Variants in KLHL25 observed in about 807,000 individuals in gnomAD.
KLHL25 encodes kelch-like protein 25.
In KLHL25, 41 loss-of-function variants were observed where a neutral mutation model predicts 30.0. That is an observed-to-expected ratio of 1.37 (90% confidence interval 1.07 to 1.78). The LOEUF is 1.78. KLHL25 is among the 40% of genes most tolerant of loss of function. The pLI is 0.00. For synonymous variants in KLHL25, 399 were observed against 355.3 expected, an observed-to-expected ratio of 1.12 and a Z score of -1.38; for missense variants, 971 against 824.5, an observed-to-expected ratio of 1.18 and a Z score of -2.18.
rs532644361 is a variant in KLHL25 at position 85,779,926 on chromosome 15, CTT to C, written c.-10-10108_-10-10107del. Among the ~76,000 whole-genome samples, 6 of 152,362 alleles carry C rather than the reference CTT, an allele frequency of 3.9e-5. No individual in the cohort carries two copies. The South Asian group carries it at 1.2e-3, about 32-fold the overall frequency. ...TGCTTCTGTTGGTTCACTGTATTCT[CTT>C]GAGATAAATCCTTTTGAGAAAAAAT... On this transcript the variant is annotated intron_variant, in intron 1 of 2. Coordinates refer to ENST00000337975, the MANE Select transcript of KLHL25 (RefSeq NM_022480.4).
chr15:85,764,721 G>A (rs565360056), intron 2 of KLHL25, among the ~76,000 whole-genome samples: 1 of 152,292 alleles, frequency 6.6e-6, no homozygotes, highest in East Asian at 1.9e-4. Context: ...AGAGGCCCTT[G>A]CAGCCCACAG....
chr15:85,787,002 G>C (rs575624205), intron 1 of KLHL25, among the ~76,000 whole-genome samples: 1 of 152,088 alleles, frequency 6.6e-6, no homozygotes, highest in Non-Finnish European at 1.5e-5. Flanking sequence ...GGCAGAACCA[G>C]CACTCAATAA....
intron 1 of KLHL25, among the ~76,000 whole-genome samples, chr15:85,776,218 G>A (rs1204338737): frequency 1.3e-5 from 2 of 148,592 alleles, no homozygotes; most frequent in African/African-American, 2.5e-5. Flanking sequence ...GCAGGGCACA[G>A]TGGTTCACGC....
chr15:85,769,159 C>A lies in KLHL25; in HGVS notation c.652G>T (p.Val218Leu). Residue 218 changes from valine (V) to leucine (L), a missense_variant, in exon 2 of 3, where the codon GTG becomes TTG. Transcript: ENST00000337975. ...TTCCGTGGCTCCAGGTCGTGCTTCA[C>A]CCACTGGAGGATGGCCTCGAAGACC... Reference protein sequence around the residue: ...RVVFEAILQWVKHDLEPRKVH... With the variant: ...RVVFEAILQWLKHDLEPRKVH... 1 of 1,613,122 alleles carries A rather than the reference C, an allele frequency of 6.2e-7. No individual in the cohort carries two copies. The highest frequency in any genetic ancestry group is 8.5e-7 in the Non-Finnish European group (1 of 1,179,716).
At chr15:85,772,483 C>T (rs1389937779) in intron 1 of KLHL25, among the ~76,000 whole-genome samples, 1 of 152,218 alleles carries the variant, frequency 6.6e-6, no homozygotes. Context: ...GTGGGGTGAG[C>T]CCCTCTGGGA....
At chr15:85,784,841 G>C (rs1225996217) in intron 1 of KLHL25, among the ~76,000 whole-genome samples, 1 of 152,174 alleles carries the variant, frequency 6.6e-6, no homozygotes, top group Non-Finnish European at 1.5e-5. Flanking sequence ...ACCCAGTCAG[G>C]CCAGCCCAGA....
chr15:85,790,733 G>T (rs940569675), intron 1 of KLHL25, among the ~76,000 whole-genome samples: 5 of 152,054 alleles, frequency 3.3e-5, no homozygotes, highest in South Asian at 4.1e-4. Context: ...CCTTGGTCAC[G>T]CTGAAACAAG....
At chr15:85,790,626 G>A (rs1430630745) in intron 1 of KLHL25, among the ~76,000 whole-genome samples, 3 of 152,194 alleles carry the variant, frequency 2.0e-5, no homozygotes, top group African/African-American at 4.8e-5. Context: ...GGCCAAGCAC[G>A]ACTCCCCTAC....
At chr15:85,765,758 G>A (rs2089618660) in intron 2 of KLHL25, among the ~76,000 whole-genome samples, 1 of 150,900 alleles carries the variant, frequency 6.6e-6, no homozygotes, top group African/African-American at 2.4e-5. Context: ...CTTGAACCTG[G>A]GAGGTGGAGG....
rs781179759 is a variant in KLHL25 at position 85,761,009 on chromosome 15, G to C, written c.*27C>G. ...GCCACGCTGTGACACTGAAGGCCGC[G>C]GTCTGTGGAGGGAGGAGAGGAAGAG... is the stretch of plus-strand genomic sequence containing the variant. On this transcript the variant is annotated splice_region_variant and 3_prime_UTR_variant, in exon 3 of 3. Coordinates refer to ENST00000337975, the MANE Select transcript of KLHL25 (RefSeq NM_022480.4). 1 of 152,410 alleles carries C rather than the reference G, an allele frequency of 6.6e-6. No homozygotes were observed. Among genetic ancestry groups the C allele is most frequent in the Non-Finnish European group, 1.5e-5 (1 of 68,154 alleles). 9.4% of individuals were successfully genotyped at this position (152,410 alleles called of 1,614,324 possible). A position where few individuals can be genotyped will look rare whatever the true frequency, so the allele number is the denominator to read the frequency against.
rs1481408788 is a variant in KLHL25, at chr15:85,794,769, C to G, written c.-14G>C. The G allele has an allele frequency of 2.0e-5, 3 of 152,912 alleles. No homozygotes were observed. Among genetic ancestry groups the G allele is most frequent in the South Asian group, 1.9e-4 (1 of 5,154 alleles). The allele number at this position is 152,912 out of a possible 1,614,324, so 9.5% of individuals were successfully genotyped here. A position where few individuals can be genotyped will look rare whatever the true frequency, so the allele number is the denominator to read the frequency against. On this transcript the variant is annotated 5_prime_UTR_variant, in exon 1 of 3. Transcript: ENST00000337975. ...CCCGCCCGGCCTGGATACTCACTGC[C>G]GGAGACGATCCCCGCCGCCGCCGCC...
At chr15:85,790,655 T>C (rs899496807) in intron 1 of KLHL25, among the ~76,000 whole-genome samples, 2 of 152,152 alleles carry the variant, frequency 1.3e-5, no homozygotes, top group South Asian at 4.1e-4. Context: ...AAGTGCTCTT[T>C]CTGCCAACAG....
chr15:85,772,156 G>A (rs946268784), intron 1 of KLHL25, among the ~76,000 whole-genome samples: 3 of 151,952 alleles, frequency 2.0e-5, no homozygotes, highest in African/African-American at 7.3e-5. Flanking sequence ...ATTTTAAGAG[G>A]CATTTGTTGC....
chr15:85,772,813 A>G (rs1230157858), intron 1 of KLHL25, among the ~76,000 whole-genome samples: 1 of 152,260 alleles, frequency 6.6e-6, no homozygotes, highest in Non-Finnish European at 1.5e-5. Context: ...ATACCCTGCC[A>G]AAGTCGGCAC....
chr15:85,769,215 C>T lies in KLHL25; in HGVS notation c.596G>A (p.Ser199Asn), dbSNP rs775174911. The change falls in exon 2 of 3, where the codon AGT (serine) becomes AAT (asparagine). Residue 199 changes from serine to asparagine, a missense_variant. Ser to Asn is a conservative substitution (Grantham distance 46). Transcript: ENST00000337975. The stretch of plus-strand genomic sequence containing the variant: ...CTCGTCCTCGGTCTCCAGCTCATCA[C>T]TCGAGATGAGGTCCAGCAGTGTGTC... ...SKDTLLDLIS[S>N]DELETEDERV... is the part of the protein sequence containing the mutation. 1.2e-6 allele frequency: 2 copies of T among 1,613,768 alleles called. No individual in the cohort carries two copies. Among genetic ancestry groups the T allele is most frequent in the Non-Finnish European group, 1.7e-6 (2 of 1,180,032 alleles).
chr15:85,772,723 C>CA (rs942926953), intron 1 of KLHL25, among the ~76,000 whole-genome samples: 1 of 152,236 alleles, frequency 6.6e-6, no homozygotes. Flanking sequence ...AGGGCAGCCA[C>CA]AATGGTCCAG....
Position 85,776,029 on chromosome 15 carries a change from C to G in KLHL25, c.-10-6209G>C, listed in dbSNP as rs543768002. 3.0e-4 allele frequency among the ~76,000 whole-genome samples: 45 copies of G among 150,682 alleles called. No homozygotes were observed. The Middle Eastern group carries it at 0.014, about 48-fold the overall frequency. On this transcript the variant is annotated intron_variant, in intron 1 of 2. Transcript: ENST00000337975. ...TCTACTAAAAATACAAAAAATTACC[C>G]GGGCATGTTGGCGTGTGCCTGTAGT... is the stretch of plus-strand genomic sequence containing the variant.
chr15:85,785,821 A>C (rs973761999), intron 1 of KLHL25, among the ~76,000 whole-genome samples: 1 of 152,180 alleles, frequency 6.6e-6, no homozygotes, highest in African/African-American at 2.4e-5. Context: ...AAAAATAGCA[A>C]CTGCAACTTC....
chr15:85,772,723 C>A (rs535766575), intron 1 of KLHL25, among the ~76,000 whole-genome samples: 2 of 152,354 alleles, frequency 1.3e-5, no homozygotes, highest in East Asian at 3.9e-4. Flanking sequence ...AGGGCAGCCA[C>A]AATGGTCCAG....
Sources: gnomAD v4.1 joint callset for allele counts (sites outside exome capture counted in the v4.1 genomes callset) on GRCh38, gnomAD v4.1.1 for gene constraint, MANE v1.5 for transcripts, NCBI Gene and HGNC (gene_info 2026-07-23, HGNC 2026-07-21) for gene names.